Variants in CD33 observed in about 807,000 individuals in gnomAD.
CD33 encodes myeloid cell surface antigen CD33.
Under a neutral mutation model 31.4 loss-of-function variants are expected in CD33, and 25 were observed. The ratio of observed to expected loss-of-function variants is 0.80; its 90% CI spans 0.58 to 1.11. The LOEUF is 1.11. Among genes scored for constraint, CD33 ranks in the 50% most tolerant of loss-of-function variants. CD33 has a pLI of 0.00. For missense variants in CD33, 407 were observed against 448.1 expected, an observed-to-expected ratio of 0.91 and a Z score of 0.83; for synonymous variants, 176 against 180.6, an observed-to-expected ratio of 0.97 and a Z score of 0.20.
Position 51,225,968 on chromosome 19 carries a change from C to T in CD33, c.584C>T (p.Ser195Leu), listed in dbSNP as rs554757342. The change falls in exon 3 of 7, where the codon TCG (serine) becomes TTG (leucine). Residue 195 changes from serine to leucine, a missense_variant. Physicochemically the swap from Ser to Leu is moderately radical, Grantham distance 145 (BLOSUM62 -2). Transcript: ENST00000262262. ...TSLGPRTTHS[S>L]VLIITPRPQD... ...CTGGGCCCCAGGACTACTCACTCCT[C>T]GGTGCTCATAATCACCCCACGGCCC... The T allele has an allele frequency of 8.7e-6, 14 of 1,614,128 alleles. No individual in the cohort carries two copies. The highest frequency in any genetic ancestry group is 2.2e-5 in the East Asian group (1 of 44,876).
At chr19:51,229,983 T>C (rs774909637) in intron 4 of CD33, among the ~76,000 whole-genome samples, 1 of 152,168 alleles carries the variant, frequency 6.6e-6, no homozygotes, top group Non-Finnish European at 1.5e-5. Flanking sequence ...ATTTGTCTAA[T>C]TGTTTGATGT....
the CD33 span, among the ~76,000 whole-genome samples, chr19:51,214,461 G>A: frequency 8.5e-5 from 13 of 152,236 alleles, no homozygotes; most frequent in East Asian, 2.3e-3. Flanking sequence ...CTCCCAAAGT[G>A]CTGGGATTAC....
intron 4 of CD33, among the ~76,000 whole-genome samples, chr19:51,230,457 G>A (rs1383366501): frequency 5.3e-5 from 8 of 152,300 alleles, no homozygotes; most frequent in Non-Finnish European, 8.8e-5. Context: ...AGAGTGGGGC[G>A]TTGAAGTCCT....
At position 51,235,096 on chromosome 19, in the gene CD33, G is replaced by A. The variant is rs377348275; in HGVS notation, c.746-61G>A. ...GTCACCCCTCTCTACATGCTGGAGA[G>A]GAGGATACACATACCTGTTTATCTA... On this transcript the variant is annotated intron_variant, in intron 4 of 6. Coordinates refer to ENST00000262262, the MANE Select transcript of CD33 (RefSeq NM_001772.4). 7 of 1,368,364 alleles carry A rather than the reference G, an allele frequency of 5.1e-6. 1 individual carries two copies. In the African/African-American group the frequency reaches 5.7e-5, roughly 11 times the overall value. 84.8% of individuals were successfully genotyped at this position (1,368,364 alleles called of 1,614,324 possible).
upstream of CD33, among the ~76,000 whole-genome samples, chr19:51,224,591 A>T (rs900275430): frequency 1.3e-5 from 2 of 152,170 alleles, no homozygotes; most frequent in Admixed American, 6.5e-5. Context: ...TTAGTGAATG[A>T]ATGAATAAAT....
chr19:51,220,727 G>T (rs143245399), upstream of CD33, among the ~76,000 whole-genome samples: 67 of 152,266 alleles, frequency 4.4e-4, no homozygotes, highest in African/African-American at 1.6e-3. Context: ...AGATTACTGA[G>T]CCGCTGTGTG....
upstream of CD33, among the ~76,000 whole-genome samples, chr19:51,224,502 G>T (rs562146771): frequency 6.6e-6 from 1 of 152,250 alleles, no homozygotes; most frequent in African/African-American, 2.4e-5. Context: ...AATGCATGAG[G>T]CTAGAAAGGA....
At chr19:51,211,565 C>G in the CD33 span, 3 of 1,515,306 alleles carry the variant, frequency 2.0e-6, no homozygotes, top group Non-Finnish European at 2.7e-6. Flanking sequence ...TACAAATCTC[C>G]CCAGCTCTCT....
In CD33 at chr19:51,235,183, G is replaced by A. The variant is rs1472789585; in HGVS notation, c.772G>A (p.Val258Ile). 6.8e-6 allele frequency: 11 copies of A among 1,614,014 alleles called. No homozygotes were observed. The highest frequency in any genetic ancestry group is 6.7e-5 in the East Asian group (3 of 44,892). ...GAAACAAGAGACCAGAGCAGGAGTG[G>A]TTCATGGGGCCATTGGAGGAGCTGG... ...SGKQETRAGV[V>I]HGAIGGAGVT... Residue 258 changes from valine (V) to isoleucine (I), a missense_variant, in exon 5 of 7, where the codon GTT (valine) becomes ATT (isoleucine). Coordinates refer to ENST00000262262, the MANE Select transcript of CD33 (RefSeq NM_001772.4).
chr19:51,236,259 G>A (rs768553635), intron 6 of CD33: 13 of 201,306 alleles, frequency 6.5e-5, no homozygotes, highest in Non-Finnish European at 1.3e-4. Context: ...AGGAAGCAGA[G>A]GGAGCAAGGA....
chr19:51,219,331 T>C, the CD33 span, among the ~76,000 whole-genome samples: 5 of 152,218 alleles, frequency 3.3e-5, no homozygotes, highest in Non-Finnish European at 5.9e-5. Flanking sequence ...AGATTACTGT[T>C]GGTGTATAGA....
Position 51,225,233 on chromosome 19 carries a change from A to T in CD33, c.53A>T (p.Asp18Val). ...PLLWAGALAM[D>V]PNFWLQVQES... ...TTCCCCACAGGGGCCCTGGCTATGG[A>T]TCCAAATTTCTGGCTGCAAGTGCAG... The change falls in exon 2 of 7, where the codon GAT (aspartate) becomes GTT (valine). Residue 18 changes from aspartate to valine, a missense_variant. By Grantham distance (152) the Asp-to-Val change is radical. Transcript: ENST00000262262. The T allele has an allele frequency of 6.2e-7, 1 of 1,613,306 alleles. No homozygotes were observed. The highest frequency in any genetic ancestry group is 8.5e-7 in the Non-Finnish European group (1 of 1,179,478).
chr19:51,213,891 G>A, the CD33 span, among the ~76,000 whole-genome samples: 120 of 124,004 alleles, frequency 9.7e-4, 1 homozygote, highest in East Asian at 3.5e-3. Flanking sequence ...ATAGGGTCTC[G>A]CTCTGTCGCC....
At chr19:51,235,957 G>T (rs902566789) in intron 6 of CD33, 2 of 692,226 alleles carry the variant, frequency 2.9e-6, no homozygotes, top group Non-Finnish European at 2.6e-6. Context: ...AGGAGATTGA[G>T]ACTATCCTGG....
At chr19:51,218,459 T>C in the CD33 span, among the ~76,000 whole-genome samples, 3 of 152,218 alleles carry the variant, frequency 2.0e-5, no homozygotes, top group Non-Finnish European at 2.9e-5. Flanking sequence ...GCAAATATTT[T>C]CTTCCATTCT....
intron 4 of CD33, among the ~76,000 whole-genome samples, chr19:51,231,398 G>A (rs2123253809): frequency 6.6e-6 from 1 of 152,222 alleles, no homozygotes; most frequent in East Asian, 1.9e-4. Context: ...CCTAGTGTTG[G>A]ATCTGATCAC....
upstream of CD33, among the ~76,000 whole-genome samples, chr19:51,224,365 G>T (rs565039830): frequency 2.8e-4 from 42 of 152,254 alleles, 1 homozygote; most frequent in African/African-American, 8.9e-4. Context: ...CATTGTATGA[G>T]GGTGAAGTTT....
At chr19:51,211,719 C>A in the CD33 span, 1 of 806,406 alleles carries the variant, frequency 1.2e-6, no homozygotes, top group Non-Finnish European at 2.0e-6. Flanking sequence ...GGACCCGGAC[C>A]AGAACCTGAG....
chr19:51,216,230 G>GTGTGTGTGTT, the CD33 span, among the ~76,000 whole-genome samples: 1 of 86,100 alleles, frequency 1.2e-5, no homozygotes, highest in African/African-American at 3.1e-5. Context: ...CCGAGTGTGT[G>GTGTGTGTGTT]TGTGTGTGTG....
Sources: gnomAD v4.1 joint callset for allele counts (sites outside exome capture counted in the v4.1 genomes callset) on GRCh38, gnomAD v4.1.1 for gene constraint, MANE v1.5 for transcripts, NCBI Gene and HGNC (gene_info 2026-07-23, HGNC 2026-07-21) for gene names.